AIG1: variants seen among roughly 807,000 people sequenced by gnomAD.
The protein encoded by AIG1 is androgen-induced gene 1 protein.
Under a neutral mutation model 31.4 loss-of-function variants are expected in AIG1, and 23 were observed. That is an observed-to-expected ratio of 0.73 (90% CI 0.53 to 1.04). AIG1 has a LOEUF of 1.04. AIG1 is among the 50% of genes least tolerant of loss of function. AIG1 has a pLI of 0.00. For synonymous variants in AIG1, 100 were observed against 110.5 expected, an observed-to-expected ratio of 0.90 and a Z score of 0.60; for missense variants, 274 against 295.0, an observed-to-expected ratio of 0.93 and a Z score of 0.52.
At chr6:143,096,592 A>T (rs576643335) in intron 1 of AIG1, among the ~76,000 whole-genome samples, 11 of 152,342 alleles carry the variant, frequency 7.2e-5, no homozygotes, top group African/African-American at 2.6e-4. Context: ...GAAGATGAAG[A>T]GTGTTGTATT....
At chr6:143,071,815 G>A (rs1445464560) in intron 1 of AIG1, among the ~76,000 whole-genome samples, 2 of 148,924 alleles carry the variant, frequency 1.3e-5, no homozygotes, top group African/African-American at 5.0e-5. Context: ...ACTGAGTCTC[G>A]CTCTGTCACC....
rs1046012769 is a variant in AIG1, at chr6:143,326,430, T to C, written c.516-6852T>C. On this transcript the variant is annotated intron_variant, in intron 4 of 5. Coordinates refer to ENST00000357847, the MANE Select transcript of AIG1 (RefSeq NM_016108.4). The surrounding 1 kb of genome is among the most constrained non-coding windows in gnomAD (Gnocchi z 4.5). The stretch of plus-strand genomic sequence containing the variant: ...ATCCTTTCTATCACAGTTTAAATGC[T>C]ACTTTATTCATTCATTCATTCTTCT... Among the ~76,000 whole-genome samples the C allele has an allele frequency of 2.0e-5, 3 of 152,246 alleles. No individual in the cohort carries two copies.
chr6:143,123,498 G>T (rs1349687057), intron 1 of AIG1, among the ~76,000 whole-genome samples: 1 of 151,822 alleles, frequency 6.6e-6, no homozygotes, highest in Admixed American at 6.6e-5. Flanking sequence ...TAATATTGTT[G>T]TTTCTTTCAT....
chr6:143,076,554 G>A (rs78705037), intron 1 of AIG1, among the ~76,000 whole-genome samples: 5,577 of 151,800 alleles, frequency 0.037, 294 homozygotes, highest in Admixed American at 0.16. Context: ...TACAGTTTAT[G>A]TTTAATGTAA....
intron 3 of AIG1, among the ~76,000 whole-genome samples, chr6:143,260,876 A>C (rs1297649552): frequency 3.3e-5 from 5 of 152,148 alleles, no homozygotes; most frequent in African/African-American, 9.7e-5. Flanking sequence ...TGAACAGTAT[A>C]TTTTGCTTAA....
chr6:143,220,992 T>C (rs774171079), intron 3 of AIG1, among the ~76,000 whole-genome samples: 2 of 145,480 alleles, frequency 1.4e-5, no homozygotes, highest in Non-Finnish European at 3.0e-5. Flanking sequence ...CTAGTTTTTA[T>C]TGTTGTTGTT....
At chr6:143,161,701 A>G (rs1458227392) in intron 2 of AIG1, among the ~76,000 whole-genome samples, 2 of 152,070 alleles carry the variant, frequency 1.3e-5, no homozygotes, top group Non-Finnish European at 2.9e-5. Flanking sequence ...TGTCTCAAGT[A>G]TGAAACAAAA....
chr6:143,312,935 C>T (rs148365901), intron 4 of AIG1, among the ~76,000 whole-genome samples: 6 of 152,160 alleles, frequency 3.9e-5, no homozygotes, highest in Admixed American at 1.3e-4. Context: ...ATACAAATGG[C>T]TAACTGGTAT....
intron 1 of AIG1, among the ~76,000 whole-genome samples, chr6:143,132,242 T>G (rs1583277870): frequency 6.6e-6 from 1 of 152,224 alleles, no homozygotes; most frequent in South Asian, 2.1e-4. Context: ...TTGTCATTGA[T>G]CTGTATAGAT....
chr6:143,128,020 A>G (rs1487523810), intron 1 of AIG1, among the ~76,000 whole-genome samples: 1 of 152,172 alleles, frequency 6.6e-6, no homozygotes, highest in Non-Finnish European at 1.5e-5. Context: ...ATTGAAGATG[A>G]TGTAATGGGA....
rs1237313937 is a variant in AIG1, at chr6:143,256,850, TGTAAAAATGTCAGTAGG to T, written c.400-27247_400-27231del. Reference sequence around the variant, plus strand: ...GAAGATACTTATTTTCTCTGACTCTTGTAAAAATGTCAGTAGGGTAAAAATGTCAATAGGGGATGCAA... The same window carrying T: ...GAAGATACTTATTTTCTCTGACTCTTGTAAAAATGTCAATAGGGGATGCAA... On this transcript the variant is annotated intron_variant, in intron 3 of 5. Coordinates refer to ENST00000357847, the MANE Select transcript of AIG1 (RefSeq NM_016108.4). This position sits in a 1 kb window ranked among gnomAD's most constrained non-coding sequence, Gnocchi z 4.6. Among the ~76,000 whole-genome samples the T allele has an allele frequency of 1.3e-5, 2 of 152,232 alleles. No individual in the cohort carries two copies. The highest frequency in any genetic ancestry group is 2.9e-5 in the Non-Finnish European group (2 of 68,042).
intron 1 of AIG1, chr6:143,099,542 C>G (rs1393956461): frequency 6.6e-6 from 1 of 152,186 alleles, no homozygotes; most frequent in Admixed American, 6.5e-5. Context: ...GCCTCCTGCC[C>G]TGAAGTAGCT....
chr6:143,297,231 T>C lies in AIG1; in HGVS notation c.515+13006T>C, dbSNP rs751237503. On this transcript the variant is annotated intron_variant, in intron 4 of 5. Transcript: ENST00000357847. This position sits in a 1 kb window ranked among gnomAD's most constrained non-coding sequence, Gnocchi z 5.1. Reference sequence around the variant, plus strand: ...TTTGTGAAGGTCCAGGATAAAAGTGTCCCAGGCAGAAAAAGCAGATGGCCT... The same window carrying C: ...TTTGTGAAGGTCCAGGATAAAAGTGCCCCAGGCAGAAAAAGCAGATGGCCT... Among the ~76,000 whole-genome samples the C allele has an allele frequency of 6.6e-6, 1 of 151,976 alleles. No homozygotes were observed. The highest frequency in any genetic ancestry group is 1.9e-4 in the East Asian group (1 of 5,174).
At chr6:143,208,475 G>A (rs1244781546) in intron 3 of AIG1, among the ~76,000 whole-genome samples, 5 of 152,110 alleles carry the variant, frequency 3.3e-5, no homozygotes, top group African/African-American at 1.2e-4. Context: ...AGCCAACTCT[G>A]TTATATAATC....
intron 3 of AIG1, among the ~76,000 whole-genome samples, chr6:143,271,155 AG>A (rs1796499736): frequency 6.6e-6 from 1 of 152,248 alleles, no homozygotes; most frequent in African/African-American, 2.4e-5. Flanking sequence ...CAGAGATGGC[AG>A]TAATCCAGGA....
At chr6:143,088,289 T>C (rs1344016643) in intron 1 of AIG1, among the ~76,000 whole-genome samples, 2 of 152,084 alleles carry the variant, frequency 1.3e-5, no homozygotes, top group Admixed American at 6.5e-5. Flanking sequence ...TAATTACATA[T>C]GTATACCTTT....
At position 143,336,724 on chromosome 6, in the gene AIG1, C is replaced by A. The variant is rs947007282; in HGVS notation, c.680-2915C>A. On this transcript the variant is annotated intron_variant, in intron 5 of 5. Transcript: ENST00000357847. Reference sequence around the variant, plus strand: ...CCCAAACGTCTTTCAGACATCAACTCTCAAGTCCAAAATCTCATCTTAAAT... The same window carrying A: ...CCCAAACGTCTTTCAGACATCAACTATCAAGTCCAAAATCTCATCTTAAAT... Among the ~76,000 whole-genome samples, 10 of 152,308 alleles carry A rather than the reference C, an allele frequency of 6.6e-5. No homozygotes were observed. The East Asian group carries it at 1.7e-3, about 26-fold the overall frequency.
At position 143,163,063 on chromosome 6, in the gene AIG1, G is replaced by T. The variant is rs9403454; in HGVS notation, c.298-2019G>T. On this transcript the variant is annotated intron_variant, in intron 2 of 5. Transcript: ENST00000357847. ...GCAGGATCAGAGCAGATCAGAGTGA[G>T]ACCTGGGATCCTGCATATTTAAAAG... Among the ~76,000 whole-genome samples the T allele has an allele frequency of 3.2e-3, 492 of 152,256 alleles. 15 individuals carry two copies. The East Asian group carries it at 0.062, about 19-fold the overall frequency.
chr6:143,096,582 G>A (rs1323664840), intron 1 of AIG1, among the ~76,000 whole-genome samples: 1 of 152,218 alleles, frequency 6.6e-6, no homozygotes, highest in African/African-American at 2.4e-5. Flanking sequence ...ATCAAAAAGA[G>A]AAGATGAAGA....
Sources: gnomAD v4.1 joint callset for allele counts (sites outside exome capture counted in the v4.1 genomes callset) on GRCh38, gnomAD v4.1.1 for gene constraint, Gnocchi (gnomAD v3.1) non-coding constraint, MANE v1.5 for transcripts, NCBI Gene and HGNC (gene_info 2026-07-23, HGNC 2026-07-21) for gene names.